MSLN: variants seen among roughly 807,000 people sequenced by gnomAD.
The protein encoded by MSLN is CAK1 antigen.
In MSLN, 82 loss-of-function variants were observed where a neutral mutation model predicts 72.6. That is an observed-to-expected ratio of 1.13 (90% CI 0.94 to 1.36). The LOEUF is 1.36. Among genes scored for constraint, MSLN ranks in the 40% most tolerant of loss-of-function variants. The pLI is 0.00. For missense variants in MSLN, 1,005 were observed against 847.9 expected (o/e 1.19, Z -2.30); for synonymous variants, 456 against 387.3 (o/e 1.18, Z -2.08).
chr16:767,993 C>T (rs1380640633), intron 16 of MSLN, among the ~76,000 whole-genome samples: 3 of 21,874 alleles, frequency 1.4e-4, no homozygotes, highest in Non-Finnish European at 1.4e-4. Flanking sequence ...TGGAGGGGGG[C>T]GCGTGGAGGA....
At position 764,673 on chromosome 16, in the gene MSLN, T is replaced by C. The variant is rs2041580079; in HGVS notation, c.327T>C (p.Ser109=). The change falls in exon 7 of 18, where the codon TCT becomes TCC. Residue 109 remains serine, a synonymous_variant. Transcript: ENST00000545450. ...TGCGCTGTCTGGCTCACCGGCTCTC[T>C]GAGCCCCCCGAGGACCTGGACGCCC... ...EQLRCLAHRL[S]EPPEDLDALP... 4.3e-6 allele frequency: 7 copies of C among 1,612,378 alleles called. No homozygotes were observed. Among genetic ancestry groups the C allele is most frequent in the Non-Finnish European group, 5.9e-6 (7 of 1,179,798 alleles).
intron 16 of MSLN, among the ~76,000 whole-genome samples, chr16:768,035 C>T (rs1239233497): frequency 3.4e-4 from 12 of 35,812 alleles, no homozygotes; most frequent in South Asian, 1.5e-3. Flanking sequence ...TGGAGGGGGG[C>T]GCGTGGAGGG....
chr16:762,972 G>A (rs1435899534), intron 3 of MSLN, among the ~76,000 whole-genome samples: 1 of 152,216 alleles, frequency 6.6e-6, no homozygotes, highest in African/African-American at 2.4e-5. Context: ...GGGGATGTCT[G>A]TGGGATGGGT....
chr16:768,493 C>A lies in MSLN; in HGVS notation c.1711C>A (p.Leu571Met). 6.3e-7 allele frequency: 1 copy of A among 1,583,196 alleles called. No individual in the cohort carries two copies. Among genetic ancestry groups the A allele is most frequent in the South Asian group, 1.1e-5 (1 of 87,116 alleles). ...GATCCTACGGCAGCGGCAGGACGAC[C>A]TGGACACGCTGGGGCTGGGGCTACA... is the stretch of plus-strand genomic sequence containing the variant. Reference protein sequence around the residue: ...DWILRQRQDDLDTLGLGLQGG... With the variant: ...DWILRQRQDDMDTLGLGLQGG... Residue 571 changes from leucine (L) to methionine (M), a missense_variant, in exon 17 of 18, where the codon CTG becomes ATG. Leu to Met is a conservative substitution (Grantham distance 15, BLOSUM62 2). Transcript: ENST00000545450.
At chr16:763,391 T>A in intron 4 of MSLN, 115 bp downstream of exon 4, 1 of 988,064 alleles carries the variant, frequency 1.0e-6, no homozygotes, top group Non-Finnish European at 1.5e-6. Flanking sequence ...GGTCCTTGCT[T>A]GCAAAGGGGC....
chr16:767,115 G>T, intron 15 of MSLN, 103 bp downstream of exon 15: 2 of 1,551,498 alleles, frequency 1.3e-6, no homozygotes, highest in Non-Finnish European at 8.8e-7. Flanking sequence ...TCTGCTGCCA[G>T]GGTAACTGGG....
At position 766,863 on chromosome 16, in the gene MSLN, T is replaced by C. The variant is rs200292102; in HGVS notation, c.1374-22T>C. The C allele has an allele frequency of 9.3e-6, 15 of 1,612,440 alleles. No individual in the cohort carries two copies. In the African/African-American group the frequency reaches 2.0e-4, roughly 21 times the overall value. Reference sequence around the variant, plus strand: ...GGTGGGTCCGTGTGCTGGCGCTCACTGTCCACCCACCGTGTCCCCAGGGCG... The same window carrying C: ...GGTGGGTCCGTGTGCTGGCGCTCACCGTCCACCCACCGTGTCCCCAGGGCG... On this transcript the variant is annotated intron_variant, in intron 14 of 17. Transcript: ENST00000545450.
chr16:762,592 C>T, intron 2 of MSLN, 80 bp from the exon 3 acceptor site: 1 of 1,071,584 alleles, frequency 9.3e-7, no homozygotes. Flanking sequence ...CCTCCTGGGC[C>T]CATGTGGCCC....
chr16:762,952 A>C (rs2041554934), intron 3 of MSLN, among the ~76,000 whole-genome samples, 187 bp downstream of exon 3: 1 of 152,178 alleles, frequency 6.6e-6, no homozygotes, highest in Admixed American at 6.5e-5. Context: ...GATGGGGCTC[A>C]GGACACAGTG....
chr16:762,370 T>C (rs1257522809), intron 2 of MSLN, among the ~76,000 whole-genome samples: 3 of 152,258 alleles, frequency 2.0e-5, no homozygotes, highest in East Asian at 3.9e-4. Flanking sequence ...GGTTGCTTGA[T>C]CTAAGCTCTG....
rs200821577 is a variant in MSLN at position 767,369 on chromosome 16, C to A, written c.1502-7C>A. The A allele has an allele frequency of 1.2e-6, 2 of 1,610,152 alleles. No homozygotes were observed. The highest frequency in any genetic ancestry group is 1.7e-6 in the Non-Finnish European group (2 of 1,178,732). On this transcript the variant is annotated splice_polypyrimidine_tract_variant and splice_region_variant and intron_variant, in intron 15 of 17. Coordinates refer to ENST00000545450, the MANE Select transcript of MSLN (RefSeq NM_005823.6). ...GCCTCAGCTCGGGCCCCTCTCCCGG[C>A]GGGCAGGTGGGGCCCCCACGGAGGA...
rs773281308 is a variant in MSLN at position 765,198 on chromosome 16, C to T, written c.599C>T (p.Ser200Leu). Residue 200 changes from serine to leucine, a missense_variant, in exon 9 of 18, where the codon TCG becomes TTG. Physicochemically the swap from Ser to Leu is moderately radical, Grantham distance 145. Transcript: ENST00000545450. Reference sequence around the variant, plus strand: ...CTGCCTGGGCGCTTTGTGGCCGAGTCGGCCGAAGTGCTGCTACCCCGGCTG... The same window carrying T: ...CTGCCTGGGCGCTTTGTGGCCGAGTTGGCCGAAGTGCTGCTACCCCGGCTG... ...CDLPGRFVAE[S>L]AEVLLPRLVS... The T allele has an allele frequency of 1.6e-5, 26 of 1,593,004 alleles. No individual in the cohort carries two copies. Among genetic ancestry groups the T allele is most frequent in the East Asian group, 9.0e-5 (4 of 44,432 alleles).
chr16:765,458 C>T (rs1188481398), intron 9 of MSLN, 69 bp from the exon 10 acceptor site: 46 of 1,474,548 alleles, frequency 3.1e-5, no homozygotes, highest in Admixed American at 7.9e-5. Flanking sequence ...CCAGGGGGTA[C>T]GGCCTGGCCT....
rs368131460 is a variant in MSLN, at chr16:764,074, G to C, written c.231G>C (p.Leu77=). Reference sequence around the variant, plus strand: ...TCCCGTGTGCGGAGGTGTCCGGCCTGAGCACGGAGCGTGTCCGGGAGCTGG... The same window carrying C: ...TCCCGTGTGCGGAGGTGTCCGGCCTCAGCACGGAGCGTGTCCGGGAGCTGG... ...LGFPCAEVSG[L]STERVRELAV... Residue 77 remains leucine, a synonymous_variant, in exon 6 of 18, where the codon CTG becomes CTC. Transcript: ENST00000545450. The C allele has an allele frequency of 1.2e-6, 2 of 1,606,070 alleles. No homozygotes were observed. The highest frequency in any genetic ancestry group is 2.7e-5 in the African/African-American group (2 of 74,918).
chr16:764,636 T>G lies in MSLN; in HGVS notation c.301-11T>G. 6.2e-7 allele frequency: 1 copy of G among 1,611,608 alleles called. No individual in the cohort carries two copies. The highest frequency in any genetic ancestry group is 8.5e-7 in the Non-Finnish European group (1 of 1,179,040). ...TCGAAACGCTCTGTGCTGGACTCCC[T>G]GCCCCTGCAGCTGCGCTGTCTGGCT... On this transcript the variant is annotated splice_polypyrimidine_tract_variant and intron_variant, in intron 6 of 17. Transcript: ENST00000545450.
At chr16:767,082 C>T in intron 15 of MSLN, 70 bp downstream of exon 15, 3 of 1,601,614 alleles carry the variant, frequency 1.9e-6, no homozygotes, top group Non-Finnish European at 2.6e-6. Flanking sequence ...TCGGGGGTGC[C>T]AGGCCTTTGC....
In MSLN at chr16:764,903, A is replaced by G; in HGVS notation, c.381-4A>G. 1 of 1,610,830 alleles carries G rather than the reference A, an allele frequency of 6.2e-7. No individual in the cohort carries two copies. Among genetic ancestry groups the G allele is most frequent in the Non-Finnish European group, 8.5e-7 (1 of 1,179,196 alleles). On this transcript the variant is annotated splice_region_variant and splice_polypyrimidine_tract_variant and intron_variant, in intron 7 of 17. Coordinates refer to ENST00000545450, the MANE Select transcript of MSLN (RefSeq NM_005823.6). ...GGCCTGTCCCCAGCACCCTCTCTTC[A>G]CAGCCCAGATGCGTTCTCGGGGCCC... is the stretch of plus-strand genomic sequence containing the variant.
At position 768,732 on chromosome 16, in the gene MSLN, G is replaced by A; in HGVS notation, c.1868G>A (p.Ter623=). 3 of 1,610,334 alleles carry A rather than the reference G, an allele frequency of 1.9e-6. No individual in the cohort carries two copies. Among genetic ancestry groups the A allele is most frequent in the Middle Eastern group, 1.7e-4 (1 of 6,056 alleles). The change falls in exon 18 of 18, where the codon TGA becomes TAA. Residue 623 remains the stop codon, a stop_retained_variant. Transcript: ENST00000545450. ...CTGCTCCTAGCCTCCACCCTGGCCT[G>A]AGGGCCCCACTCCCTTGCTGGCCCC... is the stretch of plus-strand genomic sequence containing the variant. ...LALLLASTLA[*]
intron 11 of MSLN, 64 bp downstream of exon 11, chr16:765,854 C>T: frequency 6.7e-7 from 1 of 1,488,778 alleles, no homozygotes; most frequent in East Asian, 2.4e-5. Context: ...GTGGGCATCA[C>T]TTTAGGGTCT....
Sources: allele counts gnomAD v4.1 joint callset (sites outside exome capture counted in the v4.1 genomes callset), GRCh38; gene constraint gnomAD v4.1.1; transcripts MANE v1.5; gene names NCBI Gene and HGNC (gene_info 2026-07-23, HGNC 2026-07-21).